RAD51B: variants seen among roughly 807,000 people sequenced by gnomAD.
The protein encoded by RAD51B is RAD51 paralog B, also known as DNA repair protein RAD51 homolog 2.
A neutral mutation model predicts 42.2 loss-of-function variants in RAD51B; 38 were observed. The observed-to-expected ratio is 0.90, with a 90% CI of 0.70 to 1.18. The LOEUF (loss-of-function observed/expected upper bound fraction) is 1.18. RAD51B is among the 50% of genes most tolerant of loss of function. The probability of loss-of-function intolerance (pLI) is 0.00; values close to 1 mark genes in which losing one functional copy is unlikely to be tolerated. For synonymous variants in RAD51B, 154 were observed against 145.2 expected, an observed-to-expected ratio of 1.06 and a Z score of -0.43; for missense variants, 373 against 400.7, an observed-to-expected ratio of 0.93 and a Z score of 0.59.
intron 8 of RAD51B, among the ~76,000 whole-genome samples, chr14:68,323,999 A>G (rs992914078): frequency 6.6e-6 from 1 of 152,222 alleles, no homozygotes; most frequent in African/African-American, 2.4e-5. Context: ...GACAGCCAAG[A>G]ACAGTAGGAA....
downstream of RAD51B, among the ~76,000 whole-genome samples, chr14:68,597,384 AT>A (rs1272485193): frequency 8.5e-5 from 13 of 152,158 alleles, no homozygotes; most frequent in Non-Finnish European, 1.5e-4. Flanking sequence ...GCCAAGGAAC[AT>A]TTTCCCTATA....
intron 7 of RAD51B, among the ~76,000 whole-genome samples, chr14:68,132,153 G>A (rs1481236764): frequency 6.6e-6 from 1 of 152,134 alleles, no homozygotes; most frequent in East Asian, 1.9e-4. Flanking sequence ...CAAAACTAGG[G>A]GATCTGGCTT....
intron 9 of RAD51B, among the ~76,000 whole-genome samples, chr14:68,451,327 A>T (rs1293550743): frequency 6.6e-6 from 1 of 152,210 alleles, no homozygotes; most frequent in African/African-American, 2.4e-5. Context: ...AGATACCTTA[A>T]TTCCCTTATA....
intron 8 of RAD51B, among the ~76,000 whole-genome samples, chr14:68,380,485 A>C (rs34627992): frequency 1.3e-5 from 2 of 152,330 alleles, no homozygotes; most frequent in African/African-American, 2.4e-5. Flanking sequence ...GGTAGTTTTC[A>C]TCAGTTTCCT....
chr14:68,307,917 T>TCA (rs932132565), intron 8 of RAD51B, among the ~76,000 whole-genome samples: 9 of 152,228 alleles, frequency 5.9e-5, no homozygotes, highest in African/African-American at 2.2e-4. Context: ...CGATTGAGGC[T>TCA]CACCCTCTTA....
chr14:68,306,563 C>G, intron 8 of RAD51B: 1 of 479,320 alleles, frequency 2.1e-6, no homozygotes, highest in South Asian at 1.5e-5. Context: ...GTATGTGTGA[C>G]CCAGTATATC....
At chr14:68,442,435 C>CTTTTTTT (rs774360651) in intron 9 of RAD51B, among the ~76,000 whole-genome samples, 28 of 68,416 alleles carry the variant, frequency 4.1e-4, no homozygotes, top group Non-Finnish European at 5.7e-4. Flanking sequence ...AGGCATTGTG[C>CTTTTTTT]TTTTTTTTTT....
At chr14:68,305,491 A>G (rs908702381) in intron 8 of RAD51B, among the ~76,000 whole-genome samples, 1 of 152,240 alleles carries the variant, frequency 6.6e-6, no homozygotes, top group Non-Finnish European at 1.5e-5. Flanking sequence ...TAAGACAAGA[A>G]AAGTTACAAA....
At chr14:68,329,391 A>G (rs544189689) in intron 8 of RAD51B, among the ~76,000 whole-genome samples, 1 of 152,302 alleles carries the variant, frequency 6.6e-6, no homozygotes, top group South Asian at 2.1e-4. Flanking sequence ...GAATTCAACA[A>G]CTTCTGGGAT....
Position 68,468,207 on chromosome 14 carries a change from C to T in RAD51B, c.993C>T (p.Thr331=), listed in dbSNP as rs2140233288. The T allele has an allele frequency of 6.2e-7, 1 of 1,614,068 alleles. No individual in the cohort carries two copies. Among genetic ancestry groups the T allele is most frequent in the East Asian group, 2.2e-5 (1 of 44,880 alleles). ...LIAKSPLAPF[T]SFVYTIKEEG... ...CCAAGTCCCCTCTGGCTCCCTTCAC[C>T]TCATTTGTCTACACCATCAAGGAGG... Residue 331 remains threonine (T), a synonymous_variant, in exon 10 of 11, where the codon ACC becomes ACT. Transcript: ENST00000471583.
intron 7 of RAD51B, among the ~76,000 whole-genome samples, chr14:67,945,515 T>G (rs1212909763): frequency 1.3e-5 from 2 of 152,164 alleles, no homozygotes; most frequent in East Asian, 3.9e-4. Context: ...TGTGACGAAG[T>G]GTTGCTTTGT....
At chr14:67,947,088 A>G (rs552294047) in intron 7 of RAD51B, among the ~76,000 whole-genome samples, 41 of 152,352 alleles carry the variant, frequency 2.7e-4, no homozygotes, top group Middle Eastern at 3.4e-3. Context: ...TAAATGTAAC[A>G]TGTCTAGTGC....
At chr14:68,477,530 C>G (rs1357205788) in intron 10 of RAD51B, 118 bp from the exon 11 acceptor site, 2 of 1,228,604 alleles carry the variant, frequency 1.6e-6, no homozygotes, top group Non-Finnish European at 2.3e-6. Flanking sequence ...GTGGGCAATA[C>G]GTATGAAAGA....
chr14:68,135,703 C>T (rs1375089230), intron 7 of RAD51B, among the ~76,000 whole-genome samples: 2 of 152,108 alleles, frequency 1.3e-5, no homozygotes, highest in Non-Finnish European at 2.9e-5. Flanking sequence ...GCTTTCAGTG[C>T]TTTGGGAGTG....
intron 10 of RAD51B, chr14:68,469,082 C>T (rs1168591266): frequency 2.0e-6 from 1 of 512,388 alleles, no homozygotes; most frequent in East Asian, 5.5e-5. Flanking sequence ...TACATCTGTC[C>T]TCTGCTGTGG....
At chr14:67,913,913 T>G (rs2044067943) in intron 7 of RAD51B, among the ~76,000 whole-genome samples, 1 of 152,116 alleles carries the variant, frequency 6.6e-6, no homozygotes, top group South Asian at 2.1e-4. Context: ...CCATCCCCAC[T>G]TCTCTGCCCC....
intron 9 of RAD51B, chr14:68,421,656 G>A (rs961463275): frequency 1.9e-5 from 29 of 1,498,740 alleles, no homozygotes; most frequent in East Asian, 9.0e-5. Flanking sequence ...CCTGAGCTAC[G>A]GAAGGAATGG....
At chr14:68,204,213 T>C (rs142631350) in intron 7 of RAD51B, among the ~76,000 whole-genome samples, 186 of 152,364 alleles carry the variant, frequency 1.2e-3, no homozygotes, top group African/African-American at 4.3e-3. Context: ...TGTGATTCTT[T>C]CTTTCACTTG....
At chr14:68,117,394 C>T (rs2077568926) in intron 7 of RAD51B, among the ~76,000 whole-genome samples, 1 of 152,006 alleles carries the variant, frequency 6.6e-6, no homozygotes, top group Non-Finnish European at 1.5e-5. Context: ...GGTGGCTGCT[C>T]AGTATTGGTC....
Sources: allele counts gnomAD v4.1 joint callset (sites outside exome capture counted in the v4.1 genomes callset), GRCh38; gene constraint gnomAD v4.1.1; transcripts MANE v1.5; gene names NCBI Gene and HGNC (gene_info 2026-07-23, HGNC 2026-07-21).